The following PARN variants were observed in gnomAD, a reference collection of about 807,000 sequenced individuals.
PARN encodes the protein poly(A)-specific ribonuclease PARN.
Under a neutral mutation model 102.8 loss-of-function variants are expected in PARN, and 71 were observed. The ratio of observed to expected loss-of-function variants is 0.69; its 90% CI spans 0.57 to 0.84. The LOEUF (loss-of-function observed/expected upper bound fraction) is 0.84, where lower values mean the gene tolerates loss of function less well. Among genes scored for constraint, PARN ranks in the 40% least tolerant of loss-of-function variants. The pLI is 0.00. For missense variants in PARN, 782 were observed against 760.9 expected, an observed-to-expected ratio of 1.03 and a Z score of -0.33; for synonymous variants, 261 against 252.9, an observed-to-expected ratio of 1.03 and a Z score of -0.30.
intron 21 of PARN, among the ~76,000 whole-genome samples, chr16:14,544,344 G>A (rs934522983): frequency 1.3e-5 from 2 of 152,208 alleles, no homozygotes; most frequent in Non-Finnish European, 2.9e-5. Flanking sequence ...GGAGGTCAAT[G>A]CAGGTGGGTC....
At chr16:14,474,676 C>CT (rs991623102) in intron 22 of PARN, among the ~76,000 whole-genome samples, 4 of 152,186 alleles carry the variant, frequency 2.6e-5, no homozygotes, top group African/African-American at 9.7e-5. Flanking sequence ...AATGAAGAGT[C>CT]TTTTCCGAGG....
At chr16:14,580,275 ATTTTC>A (rs1443109809) in intron 18 of PARN, among the ~76,000 whole-genome samples, 2 of 147,934 alleles carry the variant, frequency 1.4e-5, no homozygotes, top group African/African-American at 2.5e-5. Flanking sequence ...TGGCCAGGAA[ATTTTC>A]TTTTGTTTTT....
At position 14,435,704 on chromosome 16, in the gene PARN, T is replaced by C. The variant is rs983864906; in HGVS notation, c.*1013A>G. ...AAAAGAGAGGAGAAAACCAGAGTCC[T>C]ATGAAAATGTTTTTAATTTTCATCT... On this transcript the variant is annotated 3_prime_UTR_variant, in exon 24 of 24. Transcript: ENST00000437198. 2 of 152,148 alleles carry C rather than the reference T, an allele frequency of 1.3e-5. No homozygotes were observed. Among genetic ancestry groups the C allele is most frequent in the South Asian group, 2.1e-4 (1 of 4,822 alleles). The allele number at this position is 152,148 out of a possible 1,614,324, so 9.4% of individuals were successfully genotyped here.
intron 21 of PARN, among the ~76,000 whole-genome samples, chr16:14,504,449 C>T (rs992010031): frequency 6.6e-6 from 1 of 152,070 alleles, no homozygotes; most frequent in Non-Finnish European, 1.5e-5. Context: ...ATCCCAGCTA[C>T]TCGGGAGGCT....
chr16:14,523,329 A>T (rs1965836323), intron 21 of PARN, among the ~76,000 whole-genome samples: 1 of 152,172 alleles, frequency 6.6e-6, no homozygotes, highest in Admixed American at 6.5e-5. Context: ...ATTAGTAAAT[A>T]TACAGAAGAT....
At chr16:14,617,775 C>A in intron 5 of PARN, 125 bp from the exon 6 acceptor site, 1 of 670,808 alleles carries the variant, frequency 1.5e-6, no homozygotes, top group South Asian at 1.7e-5. Context: ...TGCCAGAGGT[C>A]ACAATACAAG....
chr16:14,456,283 C>T (rs1036400974), intron 22 of PARN, among the ~76,000 whole-genome samples: 5 of 152,036 alleles, frequency 3.3e-5, no homozygotes, highest in African/African-American at 1.2e-4. Flanking sequence ...GATCCTCCTA[C>T]CTCTACCTCC....
chr16:14,612,102 G>A (rs1334919255), intron 6 of PARN, among the ~76,000 whole-genome samples: 2 of 152,142 alleles, frequency 1.3e-5, no homozygotes, highest in Non-Finnish European at 2.9e-5. Flanking sequence ...AACACTTACT[G>A]ATATCCTGGA....
intron 18 of PARN, among the ~76,000 whole-genome samples, chr16:14,568,039 A>G (rs1968534102): frequency 6.6e-6 from 1 of 152,138 alleles, no homozygotes; most frequent in Non-Finnish European, 1.5e-5. Flanking sequence ...CTGTCACCCA[A>G]GGGTCCTCAG....
chr16:14,468,301 G>A (rs184391364), intron 22 of PARN, among the ~76,000 whole-genome samples: 1 of 152,292 alleles, frequency 6.6e-6, no homozygotes, highest in East Asian at 1.9e-4. Context: ...TGTGTGTTAT[G>A]GTGCCTGGCA....
At chr16:14,533,210 C>T (rs961427557) in intron 21 of PARN, among the ~76,000 whole-genome samples, 2 of 152,134 alleles carry the variant, frequency 1.3e-5, no homozygotes, top group African/African-American at 4.8e-5. Flanking sequence ...TGGAGACCAG[C>T]CCGGCCAACA....
intron 21 of PARN, among the ~76,000 whole-genome samples, chr16:14,485,009 A>G (rs1963588254): frequency 6.6e-6 from 1 of 152,200 alleles, no homozygotes; most frequent in African/African-American, 2.4e-5. Context: ...ACTTGAGCCT[A>G]TGTAGTTGAA....
intron 11 of PARN, among the ~76,000 whole-genome samples, chr16:14,603,945 C>A (rs1417777566): frequency 1.3e-5 from 2 of 152,256 alleles, no homozygotes; most frequent in African/African-American, 4.8e-5. Context: ...TCAGTGACGT[C>A]AGACTCACTT....
Position 14,512,773 on chromosome 16 carries a change from C to T in PARN, c.1481-29946G>A, listed in dbSNP as rs372417681. Among the ~76,000 whole-genome samples the T allele has an allele frequency of 4.6e-4, 70 of 152,280 alleles. 1 individual carries two copies. The South Asian group carries it at 0.014, about 30-fold the overall frequency. On this transcript the variant is annotated intron_variant, in intron 21 of 23. Coordinates refer to ENST00000437198, the MANE Select transcript of PARN (RefSeq NM_002582.4). ...CCTTATTGCCTCTGATATGTTTATC[C>T]ATACGTTTCTACAGAATTTGACCGT...
intron 11 of PARN, among the ~76,000 whole-genome samples, 154 bp downstream of exon 11, chr16:14,603,990 CCT>C (rs1971030555): frequency 6.6e-6 from 1 of 152,134 alleles, no homozygotes; most frequent in African/African-American, 2.4e-5. Flanking sequence ...TCTAACTTCC[CCT>C]TATTCTAGTC....
intron 21 of PARN, among the ~76,000 whole-genome samples, chr16:14,500,987 T>A (rs1964555536): frequency 6.6e-6 from 1 of 152,186 alleles, no homozygotes; most frequent in South Asian, 2.1e-4. Context: ...ATTCTTCTGC[T>A]ATGAGGCACC....
At chr16:14,572,282 T>A (rs117097921) in intron 18 of PARN, among the ~76,000 whole-genome samples, 1 of 151,944 alleles carries the variant, frequency 6.6e-6, no homozygotes, top group Non-Finnish European at 1.5e-5. Context: ...GTTGTGCTAG[T>A]AAGCAGCAAA....
At chr16:14,485,580 C>T (rs1051667559) in intron 21 of PARN, among the ~76,000 whole-genome samples, 23 of 152,128 alleles carry the variant, frequency 1.5e-4, no homozygotes, top group Non-Finnish European at 1.2e-4. Context: ...TATGAGAACC[C>T]ATTGGTTCTA....
chr16:14,482,257 T>C (rs1305283782), intron 22 of PARN, among the ~76,000 whole-genome samples: 1 of 151,924 alleles, frequency 6.6e-6, no homozygotes, highest in Non-Finnish European at 1.5e-5. Context: ...TAGCCAGGTG[T>C]GGTGGTGCGT....
Sources: allele counts gnomAD v4.1 joint callset (sites outside exome capture counted in the v4.1 genomes callset), GRCh38; gene constraint gnomAD v4.1.1; transcripts MANE v1.5; gene names NCBI Gene and HGNC (gene_info 2026-07-23, HGNC 2026-07-21).